ARMH3: variants seen among roughly 807,000 people sequenced by gnomAD.
ARMH3 encodes the protein armadillo-like helical domain-containing protein 3.
ARMH3 carries 60 observed loss-of-function variants against 99.1 expected under a neutral mutation model. The observed-to-expected ratio is 0.61, with a 90% CI of 0.49 to 0.75. The LOEUF (loss-of-function observed/expected upper bound fraction) is 0.75. Among genes scored for constraint, ARMH3 ranks in the 30% least tolerant of loss-of-function variants. The pLI, the probability that ARMH3 is intolerant of heterozygous loss-of-function variation, is 0.00. For missense variants in ARMH3, 679 were observed against 843.1 expected (o/e 0.81, Z 2.41); for synonymous variants, 285 against 292.8 (o/e 0.97, Z 0.27).
At chr10:101,992,842 TC>T (rs1186518169) in intron 17 of ARMH3, among the ~76,000 whole-genome samples, 1 of 152,060 alleles carries the variant, frequency 6.6e-6, no homozygotes, top group Non-Finnish European at 1.5e-5. Flanking sequence ...AATTCCCTGA[TC>T]CTCCATATTC....
intron 19 of ARMH3, among the ~76,000 whole-genome samples, chr10:101,984,991 C>G (rs1846399300): frequency 6.6e-6 from 1 of 151,088 alleles, no homozygotes; most frequent in Non-Finnish European, 1.5e-5. Flanking sequence ...TTGCTTGAAC[C>G]TGGGAGGCGG....
At chr10:101,851,060 C>G (rs531123926) in intron 24 of ARMH3, among the ~76,000 whole-genome samples, 1 of 152,298 alleles carries the variant, frequency 6.6e-6, no homozygotes, top group South Asian at 2.1e-4. Flanking sequence ...TATCCAGTGC[C>G]TGGATTGAAC....
intron 22 of ARMH3, among the ~76,000 whole-genome samples, chr10:101,953,688 T>C (rs956603437): frequency 2.6e-5 from 4 of 151,822 alleles, no homozygotes; most frequent in Admixed American, 2.6e-4. Flanking sequence ...ACTATATATC[T>C]AGAAGCAAAC....
At chr10:101,975,892 C>T (rs370248596) in intron 19 of ARMH3, among the ~76,000 whole-genome samples, 13 of 150,358 alleles carry the variant, frequency 8.6e-5, no homozygotes, top group Admixed American at 2.0e-4. Context: ...CGGTGGCTCA[C>T]GCCTGTAATC....
intron 12 of ARMH3, 137 bp from the exon 13 acceptor site, chr10:102,009,586 T>G: frequency 1.2e-6 from 1 of 809,676 alleles, no homozygotes; most frequent in East Asian, 2.5e-5. Context: ...CCCCTTTACT[T>G]GCCATTTGGG....
rs1314395220 is a variant in ARMH3 at position 102,006,707 on chromosome 10, T to A, written c.955-74A>T. 5 of 1,363,030 alleles carry A rather than the reference T, an allele frequency of 3.7e-6. No individual in the cohort carries two copies. The Admixed American group carries it at 7.0e-5, about 19-fold the overall frequency. 84.4% of individuals were successfully genotyped at this position (1,363,030 alleles called of 1,614,324 possible). ...CTGAGTATCAAGTGCCTAATACCAA[T>A]AAGGACTGGTATTCTGGACCTTATA... On this transcript the variant is annotated intron_variant, in intron 13 of 25. Transcript: ENST00000370033.
chr10:102,015,743 A>C (rs971088270), intron 8 of ARMH3, among the ~76,000 whole-genome samples: 1 of 152,148 alleles, frequency 6.6e-6, no homozygotes, highest in African/African-American at 2.4e-5. Context: ...TTTGCATTCT[A>C]GTTCTTCTGC....
chr10:102,054,713 T>C (rs2067794054), intron 1 of ARMH3, among the ~76,000 whole-genome samples: 1 of 152,160 alleles, frequency 6.6e-6, no homozygotes, highest in Non-Finnish European at 1.5e-5. Context: ...AAACTTTTTC[T>C]GGCCGGGCGC....
chr10:101,876,404 T>A (rs2067268829), intron 24 of ARMH3, among the ~76,000 whole-genome samples: 1 of 152,128 alleles, frequency 6.6e-6, no homozygotes, highest in African/African-American at 2.4e-5. Context: ...GAGAAAACAT[T>A]GTCTTTGTTC....
At chr10:102,032,857 A>G in intron 4 of ARMH3, 169 bp downstream of exon 4, 1 of 678,128 alleles carries the variant, frequency 1.5e-6, no homozygotes, top group South Asian at 2.3e-5. Context: ...GTCAATTTGT[A>G]TAAATAGAAA....
At chr10:101,977,491 T>C (rs1044480557) in intron 19 of ARMH3, among the ~76,000 whole-genome samples, 1 of 152,180 alleles carries the variant, frequency 6.6e-6, no homozygotes. Context: ...TTGCAACAAA[T>C]GATATAATAG....
intron 15 of ARMH3, among the ~76,000 whole-genome samples, chr10:101,999,552 C>T (rs939873408): frequency 4.6e-5 from 7 of 151,980 alleles, no homozygotes; most frequent in African/African-American, 1.7e-4. Flanking sequence ...AAAAGAAATG[C>T]TAATAAAAAT....
At chr10:102,055,139 T>C (rs2067809378) in intron 1 of ARMH3, among the ~76,000 whole-genome samples, 1 of 151,196 alleles carries the variant, frequency 6.6e-6, no homozygotes, top group Admixed American at 6.6e-5. Context: ...CTGACCAACA[T>C]GGAGAAATCC....
At chr10:102,027,028 CAGCACTTTGGG>C (rs1405678674) in intron 5 of ARMH3, among the ~76,000 whole-genome samples, 2 of 152,144 alleles carry the variant, frequency 1.3e-5, no homozygotes, top group Non-Finnish European at 2.9e-5. Context: ...CCTGTAATCC[CAGCACTTTGGG>C]AGGCCAAGGC....
chr10:102,050,429 G>A (rs2067672408), intron 1 of ARMH3, among the ~76,000 whole-genome samples: 1 of 151,918 alleles, frequency 6.6e-6, no homozygotes, highest in Non-Finnish European at 1.5e-5. Flanking sequence ...GCCCCAGCCT[G>A]GGCAACAGAG....
chr10:101,991,048 T>C (rs1273625579), intron 18 of ARMH3, among the ~76,000 whole-genome samples: 2 of 152,226 alleles, frequency 1.3e-5, no homozygotes, highest in African/African-American at 2.4e-5. Context: ...CTTACTATCA[T>C]GCTCAGTTAG....
chr10:101,879,679 C>T (rs1589955655), intron 24 of ARMH3, among the ~76,000 whole-genome samples: 1 of 152,062 alleles, frequency 6.6e-6, no homozygotes, highest in African/African-American at 2.4e-5. Flanking sequence ...GTAAATAACC[C>T]ATATAAAAGT....
At chr10:102,019,027 T>C (rs1226638621) in intron 8 of ARMH3, among the ~76,000 whole-genome samples, 2 of 152,064 alleles carry the variant, frequency 1.3e-5, no homozygotes, top group Non-Finnish European at 2.9e-5. Flanking sequence ...AACGACTATG[T>C]TACTGGTTTA....
intron 9 of ARMH3, 86 bp from the exon 10 acceptor site, chr10:102,012,962 C>T: frequency 8.5e-7 from 1 of 1,183,378 alleles, no homozygotes; most frequent in Non-Finnish European, 1.2e-6. Flanking sequence ...AGAAAGAACA[C>T]TAATTAGCCC....
Sources: allele counts gnomAD v4.1 joint callset (sites outside exome capture counted in the v4.1 genomes callset), GRCh38; gene constraint gnomAD v4.1.1; transcripts MANE v1.5; gene names NCBI Gene and HGNC (gene_info 2026-07-23, HGNC 2026-07-21).